Variants in SPIN1 observed in about 807,000 individuals in gnomAD.
The protein encoded by SPIN1 is spindlin-1.
SPIN1 carries 3 observed loss-of-function variants against 26.0 expected under a neutral mutation model. The observed-to-expected ratio is 0.12, with a 90% CI of 0.05 to 0.30. The LOEUF is 0.30. SPIN1 is among the 10% of genes least tolerant of loss of function. SPIN1 has a pLI of 1.00. For missense variants in SPIN1, 126 were observed against 333.4 expected, an observed-to-expected ratio of 0.38 and a Z score of 4.84; for synonymous variants, 101 against 116.5, an observed-to-expected ratio of 0.87 and a Z score of 0.86.
intron 5 of SPIN1, among the ~76,000 whole-genome samples, chr9:88,469,918 G>A (rs548856005): frequency 3.8e-4 from 58 of 152,280 alleles, no homozygotes; most frequent in African/African-American, 1.2e-3. Flanking sequence ...CACCACAGTC[G>A]ATTTTAGAAC....
At chr9:88,407,337 GT>G (rs1224389194) in intron 1 of SPIN1, among the ~76,000 whole-genome samples, 5 of 151,804 alleles carry the variant, frequency 3.3e-5, no homozygotes, top group African/African-American at 1.2e-4. Flanking sequence ...TAGAGACAGG[GT>G]TTTGCCATAT....
At chr9:88,395,044 G>A (rs866469654) in intron 1 of SPIN1, among the ~76,000 whole-genome samples, 3 of 151,872 alleles carry the variant, frequency 2.0e-5, no homozygotes, top group African/African-American at 4.8e-5. Flanking sequence ...TCCTGACCTC[G>A]TGATCTGTCC....
chr9:88,459,379 G>A (rs1271329325), intron 3 of SPIN1, among the ~76,000 whole-genome samples: 1 of 152,178 alleles, frequency 6.6e-6, no homozygotes, highest in Admixed American at 6.5e-5. Flanking sequence ...TAGAGATTAT[G>A]CAGATGTCTA....
chr9:88,477,441 C>T lies in SPIN1; in HGVS notation c.*2164C>T, dbSNP rs1326876738. The T allele has an allele frequency of 6.6e-6, 1 of 152,124 alleles. No individual in the cohort carries two copies. The highest frequency in any genetic ancestry group is 1.5e-5 in the Non-Finnish European group (1 of 68,036). The allele number at this position is 152,124 out of a possible 1,614,324, so 9.4% of individuals were successfully genotyped here. ...GACTTTTTTTATACCACATGGTCTC[C>T]CAGTTTCTAGATGAATGCAACATGA... On this transcript the variant is annotated 3_prime_UTR_variant, in exon 6 of 6. Coordinates refer to ENST00000375859, the MANE Select transcript of SPIN1 (RefSeq NM_006717.3).
At position 88,444,240 on chromosome 9, in the gene SPIN1, T is replaced by G. The variant is rs1010186382; in HGVS notation, c.53-4701T>G. 2.8e-3 allele frequency among the ~76,000 whole-genome samples: 393 copies of G among 142,070 alleles called. 1 individual carries two copies. The highest frequency in any genetic ancestry group is 9.2e-3 in the African/African-American group (345 of 37,354). The allele number at this position is 142,070 out of a possible 152,430, so 93.2% of individuals were successfully genotyped here. ...TTTTCATAGCCTCTTGTTCCCATTTTTTTTTTTTTTTTTTTTTTGAGACAG... is the reference window on the plus strand; with the variant it reads ...TTTTCATAGCCTCTTGTTCCCATTTGTTTTTTTTTTTTTTTTTTGAGACAG... On this transcript the variant is annotated intron_variant, in intron 2 of 5. Coordinates refer to ENST00000375859, the MANE Select transcript of SPIN1 (RefSeq NM_006717.3).
At chr9:88,414,645 T>A (rs900017012) in intron 1 of SPIN1, among the ~76,000 whole-genome samples, 9 of 152,208 alleles carry the variant, frequency 5.9e-5, no homozygotes, top group African/African-American at 1.7e-4. Flanking sequence ...TTAAGTGGTA[T>A]TTTGAGCTAC....
At chr9:88,421,814 T>G (rs985479641) in intron 1 of SPIN1, among the ~76,000 whole-genome samples, 2 of 152,142 alleles carry the variant, frequency 1.3e-5, no homozygotes, top group African/African-American at 2.4e-5. Flanking sequence ...AAGTTGCTTC[T>G]GCATCACCTG....
chr9:88,424,791 G>C (rs892235316), intron 1 of SPIN1, among the ~76,000 whole-genome samples: 1 of 152,192 alleles, frequency 6.6e-6, no homozygotes, highest in Non-Finnish European at 1.5e-5. Context: ...GTGGTTTGAA[G>C]GTAGGGTGTG....
chr9:88,418,599 C>T (rs1432925437), intron 1 of SPIN1, among the ~76,000 whole-genome samples: 1 of 152,138 alleles, frequency 6.6e-6, no homozygotes, highest in Non-Finnish European at 1.5e-5. Flanking sequence ...TAGCACTGTT[C>T]AGTGGTAGCA....
At chr9:88,458,620 T>G (rs1203971321) in intron 3 of SPIN1, among the ~76,000 whole-genome samples, 1 of 152,164 alleles carries the variant, frequency 6.6e-6, no homozygotes, top group Non-Finnish European at 1.5e-5. Context: ...TAGGTCACGT[T>G]TATGTTGGTT....
chr9:88,410,123 C>A (rs1827405022), intron 1 of SPIN1, among the ~76,000 whole-genome samples: 1 of 150,568 alleles, frequency 6.6e-6, no homozygotes, highest in East Asian at 1.9e-4. Flanking sequence ...TGATACCTTA[C>A]TATCTTTCAA....
At chr9:88,451,957 C>T (rs980301821) in intron 3 of SPIN1, among the ~76,000 whole-genome samples, 12 of 152,172 alleles carry the variant, frequency 7.9e-5, no homozygotes, top group Non-Finnish European at 1.5e-4. Context: ...TGTAAATTCC[C>T]TCCCCCCTCC....
At chr9:88,414,145 C>G (rs11142288) in intron 1 of SPIN1, among the ~76,000 whole-genome samples, 1 of 151,950 alleles carries the variant, frequency 6.6e-6, no homozygotes. Flanking sequence ...GGGTATTAAC[C>G]GGGAAAGCTC....
intron 1 of SPIN1, among the ~76,000 whole-genome samples, chr9:88,413,474 C>T (rs942479946): frequency 6.6e-6 from 1 of 151,986 alleles, no homozygotes; most frequent in Non-Finnish European, 1.5e-5. Flanking sequence ...ACCTCAGCCT[C>T]CCAGGTTCAA....
intron 4 of SPIN1, among the ~76,000 whole-genome samples, chr9:88,466,273 C>T (rs1027842565): frequency 6.6e-6 from 1 of 152,168 alleles, no homozygotes; most frequent in Non-Finnish European, 1.5e-5. Flanking sequence ...GTCCTCCTGC[C>T]TCAGTCTCCT....
chr9:88,455,070 A>T (rs952682959), intron 3 of SPIN1, among the ~76,000 whole-genome samples: 1 of 152,260 alleles, frequency 6.6e-6, no homozygotes, highest in Non-Finnish European at 1.5e-5. Flanking sequence ...AGGCAGTAGA[A>T]ATAAATGTAG....
At chr9:88,400,639 A>C (rs1270266448) in intron 1 of SPIN1, among the ~76,000 whole-genome samples, 5 of 152,168 alleles carry the variant, frequency 3.3e-5, no homozygotes, top group African/African-American at 7.2e-5. Context: ...TGAGGTAAGG[A>C]GTTTGAGACC....
rs563245231 is a variant in SPIN1 at position 88,455,739 on chromosome 9, A to G, written c.101+6750A>G. ...ATACTTCTAATCCCAGCACTTTGGGAGGCCAAGGTGGGAGGATTGCTTGAG... is the reference window on the plus strand; with the variant it reads ...ATACTTCTAATCCCAGCACTTTGGGGGGCCAAGGTGGGAGGATTGCTTGAG... On this transcript the variant is annotated intron_variant, in intron 3 of 5. Coordinates refer to ENST00000375859, the MANE Select transcript of SPIN1 (RefSeq NM_006717.3). 1.3e-3 allele frequency among the ~76,000 whole-genome samples: 192 copies of G among 152,276 alleles called. 5 individuals carry two copies. The South Asian group carries it at 0.036, about 29-fold the overall frequency.
chr9:88,408,240 A>G (rs909974663), intron 1 of SPIN1, among the ~76,000 whole-genome samples: 3 of 150,746 alleles, frequency 2.0e-5, no homozygotes, highest in East Asian at 2.0e-4. Context: ...TTGACAGGCA[A>G]TTTCTGCTAT....
Sources: allele counts gnomAD v4.1 joint callset (sites outside exome capture counted in the v4.1 genomes callset), GRCh38; gene constraint gnomAD v4.1.1; transcripts MANE v1.5; gene names NCBI Gene and HGNC (gene_info 2026-07-23, HGNC 2026-07-21).